The following OVCH1 variants were observed in gnomAD, a reference collection of about 807,000 sequenced individuals.
The protein encoded by OVCH1 is ovochymase-1.
A neutral mutation model predicts 138.4 loss-of-function variants in OVCH1; 139 were observed. The observed-to-expected ratio is 1.00, with a 90% CI of 0.87 to 1.16. OVCH1 has a LOEUF of 1.16. OVCH1 is among the 50% of genes most tolerant of loss of function. The pLI is 0.00. For missense variants in OVCH1, 1,367 were observed against 1,357.9 expected (o/e 1.01, Z -0.11); for synonymous variants, 453 against 467.8 (o/e 0.97, Z 0.41).
chr12:29,461,410 A>G lies in OVCH1; in HGVS notation c.2280+444T>C, dbSNP rs1942127410. 1.3e-5 allele frequency among the ~76,000 whole-genome samples: 2 copies of G among 152,206 alleles called. 1 individual carries two copies. Among genetic ancestry groups the G allele is most frequent in the South Asian group, 4.1e-4 (2 of 4,830 alleles). On this transcript the variant is annotated intron_variant, in intron 19 of 27. Coordinates refer to ENST00000318184, the Ensembl canonical transcript of OVCH1. Reference sequence around the variant, plus strand: ...AGCTTGTACAATAGACATCTTTGTGATTATTTTAACTTGTGGAAAATTAAG... The same window carrying G: ...AGCTTGTACAATAGACATCTTTGTGGTTATTTTAACTTGTGGAAAATTAAG...
intron 19 of OVCH1, among the ~76,000 whole-genome samples, chr12:29,456,473 G>A (rs560615075): frequency 3.3e-5 from 5 of 152,272 alleles, no homozygotes; most frequent in African/African-American, 7.2e-5. Context: ...AGATGGAAGC[G>A]TCTCTCTTGA....
intron 25 of OVCH1, 70 bp from the exon 26 acceptor site, chr12:29,440,814 AAGAC>A: frequency 2.2e-6 from 1 of 448,042 alleles, no homozygotes. Context: ...AAGAATAAAA[AAGAC>A]AGCAGTTTAG....
chr12:29,428,547 C>T (rs555303929), intron 27 of OVCH1, among the ~76,000 whole-genome samples: 1 of 152,272 alleles, frequency 6.6e-6, no homozygotes, highest in African/African-American at 2.4e-5. Flanking sequence ...ACCCATGGTT[C>T]ATCTTAAGGA....
At chr12:29,482,853 A>C (rs937509842) in intron 8 of OVCH1, among the ~76,000 whole-genome samples, 3 of 152,240 alleles carry the variant, frequency 2.0e-5, no homozygotes, top group Non-Finnish European at 2.9e-5. Flanking sequence ...TGCCATCTGC[A>C]TGTCTCTTAC....
chr12:29,475,158 T>G, exon 14 of OVCH1: 1 of 1,516,580 alleles, frequency 6.6e-7, no homozygotes. Context: ...AACTGAATAT[T>G]GAAGTGATGG....
chr12:29,432,956 G>A (rs73069511), intron 27 of OVCH1, among the ~76,000 whole-genome samples: 404 of 152,116 alleles, frequency 2.7e-3, no homozygotes, highest in Non-Finnish European at 4.0e-3. Flanking sequence ...CCATGAAATG[G>A]TAGGAAAAAA....
chr12:29,427,653 GAAAT>G, intron 27 of OVCH1: 1 of 1,550,188 alleles, frequency 6.5e-7, no homozygotes, highest in South Asian at 1.2e-5. Flanking sequence ...CATACTGTGA[GAAAT>G]AAATATTTGT....
rs1017969094 is a variant in OVCH1 at position 29,447,914 on chromosome 12, T to C, written c.2756-2511A>G. On this transcript the variant is annotated intron_variant, in intron 22 of 27. Transcript: ENST00000318184. ...GCACTGTTCTAGGCACTGAGGCTTC[T>C]TGATACAAACAGGCAAAAATTCCAG... 9.2e-5 allele frequency among the ~76,000 whole-genome samples: 14 copies of C among 152,004 alleles called. 1 individual carries two copies. The highest frequency in any genetic ancestry group is 2.1e-4 in the Non-Finnish European group (14 of 68,008).
chr12:29,463,235 A>C (rs1942197939), intron 18 of OVCH1, among the ~76,000 whole-genome samples: 1 of 152,190 alleles, frequency 6.6e-6, no homozygotes, highest in Non-Finnish European at 1.5e-5. Context: ...ATGCAGTGAG[A>C]GGATAAAACC....
At chr12:29,457,596 G>GC (rs1310239703) in intron 19 of OVCH1, among the ~76,000 whole-genome samples, 1 of 151,526 alleles carries the variant, frequency 6.6e-6, no homozygotes, top group Non-Finnish European at 1.5e-5. Flanking sequence ...GTAGAGACAG[G>GC]GTTTCACCAT....
chr12:29,495,358 A>C lies in OVCH1; in HGVS notation c.381T>G (p.His127Gln), dbSNP rs190382460. ...TATATTCACGGCTGTTGTATTCAGGATGGGTAATAATTTTTGAGACAGGAA... is the reference window on the plus strand; with the variant it reads ...TATATTCACGGCTGTTGTATTCAGGCTGGGTAATAATTTTTGAGACAGGAA... The change falls in exon 4 of 28, where the codon CAT becomes CAG. Residue 127 changes from histidine (H) to glutamine (Q), a missense_variant. Coordinates refer to ENST00000318184, the Ensembl canonical transcript of OVCH1. The C allele has an allele frequency of 1.0e-4, 165 of 1,613,246 alleles. 1 individual carries two copies. In the East Asian group the frequency reaches 2.3e-3, roughly 22 times the overall value.
At chr12:29,461,702 T>C (rs1054674875) in intron 19 of OVCH1, 152 bp downstream of exon 19, 3 of 963,978 alleles carry the variant, frequency 3.1e-6, no homozygotes, top group Non-Finnish European at 3.2e-6. Context: ...AATTAACTTA[T>C]TACTTCTGTT....
chr12:29,416,629 A>T (rs1052884718), intron 3 of OVCH1, among the ~76,000 whole-genome samples: 9 of 151,726 alleles, frequency 5.9e-5, no homozygotes, highest in Non-Finnish European at 1.3e-4. Flanking sequence ...AATGGCTAAC[A>T]TTTTTTTAAA....
At chr12:29,417,789 G>GTGTGTGTGTGTGTC (rs1555140773) in intron 3 of OVCH1, among the ~76,000 whole-genome samples, 11 of 150,152 alleles carry the variant, frequency 7.3e-5, no homozygotes, top group African/African-American at 2.7e-4. Context: ...GTGTGTGTGT[G>GTGTGTGTGTGTGTC]TGTGTCTGTG....
chr12:29,445,641 T>G (rs1941594033), intron 22 of OVCH1, among the ~76,000 whole-genome samples: 1 of 152,102 alleles, frequency 6.6e-6, no homozygotes, highest in Non-Finnish European at 1.5e-5. Flanking sequence ...TCTACTATGT[T>G]GCAGTGCTTC....
At chr12:29,432,860 G>A (rs967227916) in intron 27 of OVCH1, among the ~76,000 whole-genome samples, 3 of 152,132 alleles carry the variant, frequency 2.0e-5, no homozygotes, top group Non-Finnish European at 4.4e-5. Context: ...GATTTGAGGA[G>A]GGAGAGCTCG....
intron 26 of OVCH1, among the ~76,000 whole-genome samples, chr12:29,437,133 GAC>G (rs1236295251): frequency 6.6e-6 from 1 of 152,098 alleles, no homozygotes; most frequent in African/African-American, 2.4e-5. Flanking sequence ...CCTTTAGCTA[GAC>G]ACAGTGTGCT....
At chr12:29,455,306 G>A in exon 20 of OVCH1, 2 of 1,613,802 alleles carry the variant, frequency 1.2e-6, no homozygotes, top group Admixed American at 1.7e-5. Flanking sequence ...AATACACCCG[G>A]CTTCCATGGC....
At chr12:29,488,764 G>T (rs994106475) in intron 6 of OVCH1, among the ~76,000 whole-genome samples, 1 of 151,800 alleles carries the variant, frequency 6.6e-6, no homozygotes, top group Non-Finnish European at 1.5e-5. Flanking sequence ...AGACAACATT[G>T]TGTCAGATTA....
Sources: allele counts gnomAD v4.1 joint callset (sites outside exome capture counted in the v4.1 genomes callset), GRCh38; gene constraint gnomAD v4.1.1; transcripts MANE v1.5; gene names NCBI Gene and HGNC (gene_info 2026-07-23, HGNC 2026-07-21).